CNST: variants seen among roughly 807,000 people sequenced by gnomAD.
CNST encodes consortin.
Under a neutral mutation model 72.4 loss-of-function variants are expected in CNST, and 39 were observed. The ratio of observed to expected loss-of-function variants is 0.54; its 90% CI spans 0.42 to 0.70. CNST has a LOEUF of 0.70. CNST is among the 30% of genes least tolerant of loss of function. The pLI is 0.00. For synonymous variants in CNST, 332 were observed against 320.1 expected (o/e 1.04, Z -0.40); for missense variants, 871 against 868.5 (o/e 1.00, Z -0.04).
rs768187462 is a variant in CNST at position 246,647,580 on chromosome 1, T to A, written c.1379T>A (p.Leu460His). Residue 460 changes from leucine (L) to histidine (H), a missense_variant, in exon 9 of 11, where the codon CTC becomes CAC. Physicochemically the swap from Leu to His is moderately conservative, Grantham distance 99 (BLOSUM62 -3). Coordinates refer to ENST00000366513, the MANE Select transcript of CNST (RefSeq NM_152609.3). ...TATTCACAGGCTCAGAGGAAAGAACTCCGTTTGCCACTTCGGGATGCTTCT... is the reference window on the plus strand; with the variant it reads ...TATTCACAGGCTCAGAGGAAAGAACACCGTTTGCCACTTCGGGATGCTTCT... ...GKYSQAQRKELRLPLRDASEA... is the reference protein window; with the variant it reads ...GKYSQAQRKEHRLPLRDASEA... The A allele has an allele frequency of 6.2e-7, 1 of 1,614,180 alleles. No homozygotes were observed.
At chr1:246,659,722 T>C (rs1400489669) in intron 9 of CNST, among the ~76,000 whole-genome samples, 1 of 152,230 alleles carries the variant, frequency 6.6e-6, no homozygotes, top group Non-Finnish European at 1.5e-5. Flanking sequence ...GACAACACTT[T>C]AATGTTAAAA....
At chr1:246,638,584 A>G (rs561052868) in intron 6 of CNST, among the ~76,000 whole-genome samples, 1 of 152,254 alleles carries the variant, frequency 6.6e-6, no homozygotes, top group African/African-American at 2.4e-5. Context: ...TGCTAGAGTG[A>G]GAGCTCGAGT....
At position 246,659,348 on chromosome 1, in the gene CNST, A is replaced by T. The variant is rs575651733; in HGVS notation, c.1837-851A>T. On this transcript the variant is annotated intron_variant, in intron 9 of 10. Transcript: ENST00000366513. ...GGTGGCTCACACCTGTAATCCCAGC[A>T]CTTTGGGAGGCCAAGGCGGGCAGAT... 2.1e-4 allele frequency among the ~76,000 whole-genome samples: 32 copies of T among 152,330 alleles called. 1 individual carries two copies. The highest frequency in any genetic ancestry group is 6.8e-3 in the Middle Eastern group (2 of 294).
intron 2 of CNST, among the ~76,000 whole-genome samples, chr1:246,597,978 TA>T: frequency 6.7e-4 from 1 of 1,500 alleles, no homozygotes; most frequent in Non-Finnish European, 1.3e-3. Context: ...AGATGGTATT[TA>T]TTTATTTATT....
chr1:246,655,646 A>G (rs1461227953), intron 9 of CNST, among the ~76,000 whole-genome samples: 1 of 152,214 alleles, frequency 6.6e-6, no homozygotes. Flanking sequence ...TAATTGTAAT[A>G]TATATTATAG....
At chr1:246,650,141 G>A (rs935731826) in intron 9 of CNST, among the ~76,000 whole-genome samples, 3 of 151,984 alleles carry the variant, frequency 2.0e-5, no homozygotes, top group Non-Finnish European at 4.4e-5. Context: ...TTTTAAGGTG[G>A]CAGATTGTTA....
intron 2 of CNST, among the ~76,000 whole-genome samples, chr1:246,596,015 G>A (rs1661853730): frequency 6.6e-6 from 1 of 152,112 alleles, no homozygotes; most frequent in South Asian, 2.1e-4. Context: ...TTAGCCTCAG[G>A]GAAGTCCAGT....
intron 2 of CNST, among the ~76,000 whole-genome samples, chr1:246,617,819 T>C (rs1305440078): frequency 1.3e-5 from 2 of 152,184 alleles, no homozygotes; most frequent in Non-Finnish European, 2.9e-5. Flanking sequence ...ACTTTCCTAT[T>C]TTATATGTGC....
At chr1:246,635,646 A>G (rs151167037) in intron 6 of CNST, among the ~76,000 whole-genome samples, 2,008 of 152,192 alleles carry the variant, frequency 0.013, 18 homozygotes, top group Middle Eastern at 0.037. Context: ...TGCTGGGTGC[A>G]TTTGGTTTTG....
At chr1:246,600,513 A>G (rs181981886) in intron 2 of CNST, among the ~76,000 whole-genome samples, 23 of 152,302 alleles carry the variant, frequency 1.5e-4, no homozygotes, top group Non-Finnish European at 3.1e-4. Context: ...GTACGGCTGG[A>G]GAGAAGTAAG....
intron 6 of CNST, among the ~76,000 whole-genome samples, chr1:246,639,612 G>C (rs1187035800): frequency 6.6e-6 from 1 of 152,156 alleles, no homozygotes; most frequent in Non-Finnish European, 1.5e-5. Flanking sequence ...CTTTTTGAGA[G>C]GGGCTACACA....
At chr1:246,632,815 A>G (rs1442051499) in intron 4 of CNST, among the ~76,000 whole-genome samples, 1 of 152,208 alleles carries the variant, frequency 6.6e-6, no homozygotes, top group Non-Finnish European at 1.5e-5. Context: ...AGACCCATAT[A>G]AGTTTTTGCC....
intron 2 of CNST, among the ~76,000 whole-genome samples, chr1:246,593,913 C>T (rs1387303202): frequency 1.3e-5 from 2 of 152,128 alleles, no homozygotes; most frequent in Non-Finnish European, 2.9e-5. Flanking sequence ...CAGGCATGTG[C>T]TACCATGCCT....
At chr1:246,626,496 C>T (rs1664447901) in intron 3 of CNST, among the ~76,000 whole-genome samples, 2 of 110,224 alleles carry the variant, frequency 1.8e-5, no homozygotes, top group African/African-American at 3.5e-5. Context: ...CTCACTGTGT[C>T]GCCCAGGCTG....
chr1:246,645,920 A>C (rs1666035428), intron 8 of CNST, among the ~76,000 whole-genome samples: 1 of 152,196 alleles, frequency 6.6e-6, no homozygotes, highest in African/African-American at 2.4e-5. Flanking sequence ...AAGAGATGTC[A>C]GAATTCAAAC....
chr1:246,661,548 C>T (rs1048393202), intron 10 of CNST, among the ~76,000 whole-genome samples: 1 of 152,200 alleles, frequency 6.6e-6, no homozygotes, highest in African/African-American at 2.4e-5. Flanking sequence ...TACACCATTG[C>T]TGCTGTTTGA....
At position 246,582,972 on chromosome 1, in the gene CNST, G is replaced by A. The variant is rs978479570; in HGVS notation, c.-51-8540G>A. 3.3e-5 allele frequency among the ~76,000 whole-genome samples: 5 copies of A among 152,314 alleles called. No individual in the cohort carries two copies. In the South Asian group the frequency reaches 6.2e-4, roughly 19 times the overall value. On this transcript the variant is annotated intron_variant, in intron 1 of 10. Coordinates refer to ENST00000366513, the MANE Select transcript of CNST (RefSeq NM_152609.3). Reference sequence around the variant, plus strand: ...CATTCGCCCTGTCTGAGAAACGCAGGGACCTCCCTGACCCTGTTGTCCGCC... The same window carrying A: ...CATTCGCCCTGTCTGAGAAACGCAGAGACCTCCCTGACCCTGTTGTCCGCC...
At chr1:246,659,473 T>C (rs1444593877) in intron 9 of CNST, among the ~76,000 whole-genome samples, 6 of 151,990 alleles carry the variant, frequency 3.9e-5, no homozygotes, top group Non-Finnish European at 8.8e-5. Context: ...CGGGTGCCTG[T>C]AGTCCCAGCT....
intron 3 of CNST, among the ~76,000 whole-genome samples, chr1:246,622,172 A>G (rs1287848562): frequency 6.6e-6 from 1 of 152,192 alleles, no homozygotes; most frequent in Non-Finnish European, 1.5e-5. Context: ...ACAATGGTTC[A>G]CTTTTTAAAT....
Sources: allele counts gnomAD v4.1 joint callset (sites outside exome capture counted in the v4.1 genomes callset), GRCh38; gene constraint gnomAD v4.1.1; transcripts MANE v1.5; gene names NCBI Gene and HGNC (gene_info 2026-07-23, HGNC 2026-07-21).